Variants in EPRS1 observed in about 807,000 individuals in gnomAD.
EPRS1 encodes bifunctional glutamate/proline--tRNA ligase.
Under a neutral mutation model 188.3 loss-of-function variants are expected in EPRS1, and 107 were observed. The ratio of observed to expected loss-of-function variants is 0.57; its 90% confidence interval spans 0.49 to 0.67. The LOEUF (loss-of-function observed/expected upper bound fraction) is 0.67, where lower values mean the gene tolerates loss of function less well. EPRS1 is among the 30% of genes least tolerant of loss of function. The probability of loss-of-function intolerance (pLI) is 0.00; values close to 1 mark genes in which losing one functional copy is unlikely to be tolerated. For synonymous variants in EPRS1, 596 were observed against 593.1 expected (o/e 1.00, Z -0.07); for missense variants, 1,577 against 1,802.2 (o/e 0.88, Z 2.26).
In EPRS1 at chr1:219,981,600, A is replaced by G. The variant is rs1263886390; in HGVS notation, c.3374-143T>C. 4 of 495,900 alleles carry G rather than the reference A, an allele frequency of 8.1e-6. No individual in the cohort carries two copies. The South Asian group carries it at 1.3e-4, about 16-fold the overall frequency. The allele number at this position is 495,900 out of a possible 1,614,324, so 30.7% of individuals were successfully genotyped here. ...AAATAAAATGTATGTTTGTGTAAAT[A>G]TATTTCCAATGTTTATAATAAGTGA... On this transcript the variant is annotated intron_variant, in intron 23 of 31. Coordinates refer to ENST00000366923, the MANE Select transcript of EPRS1 (RefSeq NM_004446.3).
intron 30 of EPRS1, 77 bp from the exon 31 acceptor site, chr1:219,969,199 A>G (rs377131801): frequency 3.8e-6 from 4 of 1,065,836 alleles, no homozygotes; most frequent in South Asian, 1.3e-5. Flanking sequence ...TTTGAGTTCT[A>G]TATTAAACTG....
At chr1:220,030,699 A>G (rs1474159644) in intron 5 of EPRS1, among the ~76,000 whole-genome samples, 2 of 152,198 alleles carry the variant, frequency 1.3e-5, no homozygotes, top group African/African-American at 4.8e-5. Context: ...TAGGGCACTC[A>G]GTTGAAATTA....
chr1:220,008,242 T>C (rs7545314), intron 13 of EPRS1, among the ~76,000 whole-genome samples: 122,586 of 152,054 alleles, frequency 0.81, 49,548 homozygotes, highest in East Asian at 0.93. Flanking sequence ...CAGGAAATTA[T>C]GGACCTTTCA....
intron 16 of EPRS1, among the ~76,000 whole-genome samples, chr1:220,001,670 T>C (rs1235085843): frequency 3.9e-5 from 6 of 152,204 alleles, no homozygotes; most frequent in East Asian, 1.9e-4. Context: ...AATAGTCCAT[T>C]GTCTTACTAT....
At chr1:219,978,493 T>C (rs1157689268) in intron 28 of EPRS1, 53 bp downstream of exon 28, 5 of 1,374,316 alleles carry the variant, frequency 3.6e-6, no homozygotes, top group Non-Finnish European at 5.0e-6. Context: ...CAGAGGAAAA[T>C]CTAAACTCAA....
chr1:219,982,594 T>G (rs1660920026), intron 23 of EPRS1, 178 bp downstream of exon 23: 1 of 510,590 alleles, frequency 2.0e-6, no homozygotes, highest in African/African-American at 2.0e-5. Flanking sequence ...CTACAATGAA[T>G]ATTAGAGAAT....
In EPRS1 at chr1:219,973,277, T is replaced by C; in HGVS notation, c.4205A>G (p.Gln1402Arg). Residue 1402 changes from glutamine (Q) to arginine (R), a missense_variant, in exon 29 of 32, where the codon CAA (glutamine) becomes CGA (arginine). Gln to Arg is a conservative substitution (Grantham distance 43, BLOSUM62 1). Coordinates refer to ENST00000366923, the MANE Select transcript of EPRS1 (RefSeq NM_004446.3). ...VAENEAETKL[Q>R]AILEDIQVTL... ...GACCTGGATGTCTTCCAAAATAGCT[T>C]GAAGTTTAGTCTCTGCCTCATTTTC... 1 of 1,612,806 alleles carries C rather than the reference T, an allele frequency of 6.2e-7. No homozygotes were observed. The highest frequency in any genetic ancestry group is 8.5e-7 in the Non-Finnish European group (1 of 1,179,720).
intron 1 of EPRS1, 105 bp downstream of exon 1, chr1:220,046,238 A>C (rs1362444411): frequency 2.4e-5 from 34 of 1,392,842 alleles, no homozygotes; most frequent in Non-Finnish European, 3.4e-5. Context: ...CCAACATCCC[A>C]GATGGTGACC....
At chr1:219,986,158 G>GT (rs1298305116) in intron 20 of EPRS1, among the ~76,000 whole-genome samples, 1 of 152,154 alleles carries the variant, frequency 6.6e-6, no homozygotes, top group Non-Finnish European at 1.5e-5. Context: ...TAAAACCAAA[G>GT]TATCTCAGTA....
Position 220,018,457 on chromosome 1 carries a change from T to TA in EPRS1, c.1485dup (p.Asn496Ter). On this transcript the variant is annotated frameshift_variant, in exon 12 of 32. Transcript: ENST00000366923. LOFTEE classifies it high-confidence loss of function. ...AGAGTTAACATACATACCTTTTTGT[T>TA]AAACGCCCAGATTTTGTCCCACTCC... is the stretch of plus-strand genomic sequence containing the variant. 1 of 1,611,048 alleles carries TA rather than the reference T, an allele frequency of 6.2e-7. No individual in the cohort carries two copies. Among genetic ancestry groups the TA allele is most frequent in the South Asian group, 1.1e-5 (1 of 90,992 alleles).
chr1:219,982,783 G>A lies in EPRS1; in HGVS notation c.3362C>T (p.Thr1121Ile). The part of the protein sequence containing the change: ...ELAEPIAIRP[T>I]SETVMYPAYA... ...ATGCCTATTCTCACCTGTTTCACTA[G>A]TAGGACGAATGGCAATTGGTTCTGC... The change falls in exon 23 of 32, where the codon ACT (threonine) becomes ATT (isoleucine). Residue 1121 changes from threonine to isoleucine, a missense_variant. Thr to Ile is a moderately conservative substitution (Grantham distance 89). This residue lies in a region of EPRS1 where 1,278 missense variants were observed against 1,457.4 expected (regional missense o/e 0.88). Transcript: ENST00000366923. 1 of 1,613,844 alleles carries A rather than the reference G, an allele frequency of 6.2e-7. No individual in the cohort carries two copies. The highest frequency in any genetic ancestry group is 8.5e-7 in the Non-Finnish European group (1 of 1,179,756).
chr1:219,999,545 GAT>G (rs1661303270), intron 17 of EPRS1, among the ~76,000 whole-genome samples: 1 of 152,150 alleles, frequency 6.6e-6, no homozygotes, highest in Admixed American at 6.5e-5. Flanking sequence ...GGCCTTAAAT[GAT>G]AGTTAAGAAG....
chr1:220,006,251 T>C lies in EPRS1; in HGVS notation c.1805A>G (p.Lys602Arg). ...AAGCCAAGTGACCTTAGTGGTTTTC[T>C]TGTAGTCTTTGTTTTCCAAATTCAA... ...AKLNLENKDY[K>R]KTTKVTWLAE... The change falls in exon 15 of 32, where the codon AAG becomes AGG. Residue 602 changes from lysine to arginine, a missense_variant. Lys to Arg is a conservative substitution (Grantham distance 26). Coordinates refer to ENST00000366923, the MANE Select transcript of EPRS1 (RefSeq NM_004446.3). The C allele has an allele frequency of 1.9e-6, 3 of 1,595,990 alleles. No individual in the cohort carries two copies. Among genetic ancestry groups the C allele is most frequent in the Non-Finnish European group, 2.6e-6 (3 of 1,169,820 alleles).
chr1:220,007,249 C>CATTTATAA lies in EPRS1; in HGVS notation c.1694_1695insTTATAAAT (p.Met565IlefsTer8). ...GGTTGCCCCAATTTATAAATGTAACCATCTCACCCTCCGAAAAAGTCTCTG... is the reference window on the plus strand; with the variant it reads ...GGTTGCCCCAATTTATAAATGTAACCATTTATAAATCTCACCCTCCGAAAAAGTCTCTG... On this transcript the variant is annotated frameshift_variant, in exon 14 of 32. Transcript: ENST00000366923. LOFTEE classifies it high-confidence loss of function. 1 of 1,613,534 alleles carries CATTTATAA rather than the reference C, an allele frequency of 6.2e-7. No individual in the cohort carries two copies. The highest frequency in any genetic ancestry group is 1.1e-5 in the South Asian group (1 of 91,054).
At chr1:220,028,346 A>G (rs1354669637) in intron 6 of EPRS1, among the ~76,000 whole-genome samples, 1 of 152,222 alleles carries the variant, frequency 6.6e-6, no homozygotes, top group Non-Finnish European at 1.5e-5. Context: ...TTATTTCTAA[A>G]TCTGCAGGTC....
chr1:220,038,324 T>C (rs192694868), intron 2 of EPRS1, among the ~76,000 whole-genome samples: 60 of 151,294 alleles, frequency 4.0e-4, no homozygotes, highest in Non-Finnish European at 6.3e-4. Context: ...TCAGGTGATC[T>C]GTCTGCCTTG....
rs1272965612 is a variant in EPRS1 at position 219,982,837 on chromosome 1, C to G, written c.3308G>C (p.Trp1103Ser). Residue 1103 changes from tryptophan to serine, a missense_variant, in exon 23 of 32, where the codon TGG (tryptophan) becomes TCG (serine). Trp to Ser is a radical substitution (Grantham distance 177). This residue lies in a region of EPRS1 where 1,278 missense variants were observed against 1,457.4 expected (regional missense o/e 0.88). Coordinates refer to ENST00000366923, the MANE Select transcript of EPRS1 (RefSeq NM_004446.3). ...HVADFAPEVA[W>S]VTRSGKTELA... ...CTCGGTTTTGCCAGATCTTGTAACC[C>G]AAGCAACCTAGTAAGAAAAAATCAT... 1 of 1,613,690 alleles carries G rather than the reference C, an allele frequency of 6.2e-7. No individual in the cohort carries two copies. The highest frequency in any genetic ancestry group is 1.7e-5 in the Admixed American group (1 of 59,982).
intron 12 of EPRS1, among the ~76,000 whole-genome samples, chr1:220,017,252 T>C (rs934810647): frequency 1.3e-5 from 2 of 152,008 alleles, no homozygotes; most frequent in Admixed American, 6.6e-5. Flanking sequence ...AAGAACTATC[T>C]AGAAGAGATG....
chr1:220,015,696 G>A (rs752895419), intron 12 of EPRS1, among the ~76,000 whole-genome samples: 2 of 151,794 alleles, frequency 1.3e-5, no homozygotes, highest in Non-Finnish European at 2.9e-5. Flanking sequence ...CAGATACAAG[G>A]TTTCAAAATT....
Sources: gnomAD v4.1 joint callset for allele counts (sites outside exome capture counted in the v4.1 genomes callset) on GRCh38, gnomAD v4.1.1 for gene constraint, gnomAD v4.1.1 regional missense constraint, MANE v1.5 for transcripts, NCBI Gene and HGNC (gene_info 2026-07-23, HGNC 2026-07-21) for gene names.